The following CEP72 variants were observed in gnomAD, a reference collection of about 807,000 sequenced individuals.
CEP72 encodes centrosomal protein of 72 kDa.
In CEP72, 78 loss-of-function variants were observed where a neutral mutation model predicts 65.7. The observed-to-expected ratio is 1.19, with a 90% CI of 0.99 to 1.43. CEP72 has a LOEUF of 1.43. Ranked by LOEUF, CEP72 falls within the 40% of genes most tolerant of loss-of-function variation. CEP72 has a pLI of 0.00. For synonymous variants in CEP72, 358 were observed against 351.7 expected, an observed-to-expected ratio of 1.02 and a Z score of -0.20; for missense variants, 914 against 832.9, an observed-to-expected ratio of 1.10 and a Z score of -1.20.
At chr5:642,948 C>G in intron 9 of CEP72, 1 of 985,458 alleles carries the variant, frequency 1.0e-6, no homozygotes, top group Non-Finnish European at 1.2e-6. Flanking sequence ...GGCAAGGTGG[C>G]CCCACTTCCA....
rs1205137982 is a variant in CEP72, at chr5:635,447, G to A, written c.767G>A (p.Arg256Lys). ...GDSGKQGRET[R>K]RSSCRGCCLE... ...TCTGGGAAGCAGGGCCGTGAGACGA[G>A]GAGGAGCAGCTGCAGAGGGTGCTGT... The change falls in exon 6 of 12, where the codon AGG (arginine) becomes AAG (lysine). Residue 256 changes from arginine to lysine, a missense_variant. By Grantham distance (26) the Arg-to-Lys change is conservative (BLOSUM62 2). Coordinates refer to ENST00000264935, the MANE Select transcript of CEP72 (RefSeq NM_018140.4). The A allele has an allele frequency of 1.2e-6, 2 of 1,614,102 alleles. No homozygotes were observed. The highest frequency in any genetic ancestry group is 2.2e-5 in the East Asian group (1 of 44,860).
chr5:650,204 A>G (rs1372145189), intron 11 of CEP72, among the ~76,000 whole-genome samples: 48 of 120,138 alleles, frequency 4.0e-4, no homozygotes, highest in Admixed American at 8.1e-4. Context: ...TGAGGCGTGG[A>G]CTGTGAGGTG....
downstream of CEP72, among the ~76,000 whole-genome samples, chr5:671,584 C>T (rs143399821): frequency 8.5e-4 from 130 of 152,342 alleles, no homozygotes; most frequent in Non-Finnish European, 1.6e-3. Flanking sequence ...TGCCTGTCGC[C>T]GCACAGTGCT....
At chr5:670,746 C>T (rs1740192047), downstream of CEP72, among the ~76,000 whole-genome samples, 1 of 152,180 alleles carries the variant, frequency 6.6e-6, no homozygotes, top group African/African-American at 2.4e-5. Flanking sequence ...CTGCCTCCCG[C>T]AAGCCCCAGC....
At chr5:669,855 C>T (rs1012745757), downstream of CEP72, among the ~76,000 whole-genome samples, 29 of 152,130 alleles carry the variant, frequency 1.9e-4, no homozygotes, top group Admixed American at 3.3e-4. Flanking sequence ...GTGCCTGCCT[C>T]TTCCCCAGAG....
At chr5:649,968 C>T (rs200212076) in intron 11 of CEP72, among the ~76,000 whole-genome samples, 1 of 32,916 alleles carries the variant, frequency 3.0e-5, no homozygotes, top group Non-Finnish European at 4.6e-5. Flanking sequence ...GAGGCGTGGA[C>T]TGTGAGGTGT....
intron 9 of CEP72, chr5:643,634 G>A (rs1019044705): frequency 2.0e-6 from 2 of 985,292 alleles, no homozygotes; most frequent in African/African-American, 3.5e-5. Context: ...CCGGCCCCAG[G>A]ATGTGCCTGC....
At chr5:667,698 A>G (rs185124959), downstream of CEP72, among the ~76,000 whole-genome samples, 98 of 151,562 alleles carry the variant, frequency 6.5e-4, no homozygotes, top group Admixed American at 5.0e-3. Flanking sequence ...AAAACTCAGC[A>G]GTAAGAAAAA....
chr5:651,364 G>C (rs1739074797), intron 11 of CEP72, among the ~76,000 whole-genome samples: 1 of 151,110 alleles, frequency 6.6e-6, no homozygotes, highest in African/African-American at 2.5e-5. Context: ...CTGAGGCATG[G>C]ACTGTGAGTT....
At chr5:642,493 C>T (rs1258176455) in intron 9 of CEP72, 1 of 985,384 alleles carries the variant, frequency 1.0e-6, no homozygotes, top group African/African-American at 1.7e-5. Context: ...CAGTCAGGCA[C>T]ACCCCTTGCC....
chr5:617,250 A>C (rs964134690), intron 1 of CEP72, among the ~76,000 whole-genome samples: 1 of 152,120 alleles, frequency 6.6e-6, no homozygotes, highest in African/African-American at 2.4e-5. Flanking sequence ...TGTTCCTTTC[A>C]GTCCCCCAAT....
chr5:625,047 G>A (rs1332138155), intron 4 of CEP72, among the ~76,000 whole-genome samples: 1 of 152,142 alleles, frequency 6.6e-6, no homozygotes, highest in Non-Finnish European at 1.5e-5. Flanking sequence ...GCGCCTTCCT[G>A]TCTCCCTCCC....
intron 9 of CEP72, chr5:644,097 C>A (rs977857494): frequency 3.5e-6 from 2 of 566,918 alleles, no homozygotes; most frequent in South Asian, 2.0e-5. Context: ...CACTTCCCCC[C>A]TCCCCTGAGG....
Position 641,689 on chromosome 5 carries a change from C to A in CEP72, c.1539+1085C>A, listed in dbSNP as rs1278017083. 3 of 984,196 alleles carry A rather than the reference C, an allele frequency of 3.0e-6. No individual in the cohort carries two copies. In the African/African-American group the frequency reaches 5.3e-5, roughly 17 times the overall value. The allele number at this position is 984,196 out of a possible 1,614,324, so 61.0% of individuals were successfully genotyped here. ...CTCTGTATTTAAACACACGTGGGTC[C>A]CCATCCCCCGTCCAGAAGTCTCTGC... is the stretch of plus-strand genomic sequence containing the variant. On this transcript the variant is annotated intron_variant, in intron 9 of 11. Transcript: ENST00000264935.
intron 11 of CEP72, among the ~76,000 whole-genome samples, chr5:650,655 CTG>C (rs1277859051): frequency 1.9e-4 from 6 of 31,344 alleles, no homozygotes; most frequent in Non-Finnish European, 3.0e-4. Flanking sequence ...TGAGGTGTGA[CTG>C]TGAGGCGTGG....
At chr5:621,637 C>T (rs1024548810) in intron 3 of CEP72, among the ~76,000 whole-genome samples, 1 of 152,222 alleles carries the variant, frequency 6.6e-6, no homozygotes, top group African/African-American at 2.4e-5. Context: ...ACCTAAGCGC[C>T]TCAGCGAGTA....
chr5:663,540 G>C (rs1739770108), exon 2 of CEP72: 1 of 152,426 alleles, frequency 6.6e-6, no homozygotes, highest in Non-Finnish European at 1.5e-5. Context: ...ATGCTGGCTG[G>C]GAGCTCCGCC....
chr5:675,198 G>T, the CEP72 span, among the ~76,000 whole-genome samples: 1 of 99,918 alleles, frequency 1.0e-5, no homozygotes, highest in African/African-American at 3.9e-5. Flanking sequence ...GGTGTGGCCA[G>T]GGGTTCAGTG....
chr5:614,202 C>CT (rs771271745), intron 1 of CEP72, among the ~76,000 whole-genome samples: 5 of 151,954 alleles, frequency 3.3e-5, no homozygotes, highest in African/African-American at 2.4e-5. Context: ...TTGATTTCTG[C>CT]TTTTTTTTAT....
Sources: gnomAD v4.1 joint callset for allele counts (sites outside exome capture counted in the v4.1 genomes callset) on GRCh38, gnomAD v4.1.1 for gene constraint, MANE v1.5 for transcripts, NCBI Gene and HGNC (gene_info 2026-07-23, HGNC 2026-07-21) for gene names.